TXNDC16: variants seen among roughly 807,000 people sequenced by gnomAD.
The protein encoded by TXNDC16 is thioredoxin domain-containing protein 16.
TXNDC16 carries 74 observed loss-of-function variants against 85.6 expected under a neutral mutation model. The ratio of observed to expected loss-of-function variants is 0.86; its 90% CI spans 0.72 to 1.05. The LOEUF (loss-of-function observed/expected upper bound fraction) is 1.05, where lower values mean the gene tolerates loss of function less well. TXNDC16 is among the 50% of genes least tolerant of loss of function. The pLI, the probability that TXNDC16 is intolerant of heterozygous loss-of-function variation, is 0.00. For synonymous variants in TXNDC16, 335 were observed against 326.5 expected (o/e 1.03, Z -0.28); for missense variants, 959 against 947.0 (o/e 1.01, Z -0.17).
At chr14:52,546,498 T>G (rs1459704819) in intron 1 of TXNDC16, among the ~76,000 whole-genome samples, 1 of 152,154 alleles carries the variant, frequency 6.6e-6, no homozygotes, top group Non-Finnish European at 1.5e-5. Context: ...TGACTTACTG[T>G]GGCCAATAAA....
intron 20 of TXNDC16, 32 bp downstream of exon 20, chr14:52,439,172 A>G (rs775467421): frequency 6.3e-7 from 1 of 1,590,256 alleles, no homozygotes; most frequent in South Asian, 1.1e-5. Context: ...AAAATGCAGA[A>G]CTACATGTAT....
chr14:52,438,837 C>G (rs2035096110), intron 20 of TXNDC16, among the ~76,000 whole-genome samples: 1 of 152,142 alleles, frequency 6.6e-6, no homozygotes, highest in Non-Finnish European at 1.5e-5. Flanking sequence ...CAAGAAATAT[C>G]TTCTGAAATC....
intron 6 of TXNDC16, among the ~76,000 whole-genome samples, chr14:52,530,690 T>C (rs2140214222): frequency 7.4e-6 from 1 of 135,688 alleles, no homozygotes; most frequent in East Asian, 2.1e-4. Flanking sequence ...TCTTGCATAA[T>C]AGATAAGATG....
intron 9 of TXNDC16, among the ~76,000 whole-genome samples, chr14:52,504,595 G>T (rs968495884): frequency 3.3e-5 from 5 of 152,116 alleles, no homozygotes; most frequent in East Asian, 1.9e-4. Flanking sequence ...AGGAACAACC[G>T]GTACCAGCCA....
intron 12 of TXNDC16, among the ~76,000 whole-genome samples, chr14:52,485,407 G>A (rs546031873): frequency 6.6e-6 from 1 of 152,188 alleles, no homozygotes; most frequent in South Asian, 2.1e-4. Flanking sequence ...AAGTGAAAAA[G>A]TTACAGTAAG....
intron 6 of TXNDC16, among the ~76,000 whole-genome samples, chr14:52,534,908 T>C (rs2140219939): frequency 6.6e-6 from 1 of 152,158 alleles, no homozygotes; most frequent in East Asian, 1.9e-4. Flanking sequence ...AGTACAGCAC[T>C]AAGAACAGGA....
intron 17 of TXNDC16, among the ~76,000 whole-genome samples, chr14:52,456,440 CAT>C (rs1445705269): frequency 6.6e-6 from 1 of 152,066 alleles, no homozygotes; most frequent in Non-Finnish European, 1.5e-5. Flanking sequence ...TCACCAAGAG[CAT>C]ATGTCACCAG....
At chr14:52,488,907 A>G (rs1179107148) in intron 11 of TXNDC16, among the ~76,000 whole-genome samples, 1 of 152,008 alleles carries the variant, frequency 6.6e-6, no homozygotes, top group Non-Finnish European at 1.5e-5. Flanking sequence ...CAATTCTAAA[A>G]TTTAGCAAAA....
At chr14:52,464,682 A>G (rs913062576) in intron 16 of TXNDC16, among the ~76,000 whole-genome samples, 5 of 152,108 alleles carry the variant, frequency 3.3e-5, no homozygotes, top group African/African-American at 1.2e-4. Flanking sequence ...CTATAATCTC[A>G]GCACTTTGGG....
intron 16 of TXNDC16, among the ~76,000 whole-genome samples, chr14:52,460,926 A>G (rs1214309565): frequency 6.6e-6 from 1 of 151,924 alleles, no homozygotes; most frequent in African/African-American, 2.4e-5. Flanking sequence ...GCTGATTTTA[A>G]TAAAAACTTA....
chr14:52,448,566 A>C (rs72684228), intron 18 of TXNDC16, among the ~76,000 whole-genome samples: 72 of 152,288 alleles, frequency 4.7e-4, no homozygotes, highest in Middle Eastern at 3.4e-3. Context: ...GAAGAAAAGG[A>C]CACTAATGAG....
chr14:52,540,077 C>T (rs1018681938), intron 4 of TXNDC16, among the ~76,000 whole-genome samples: 30 of 152,066 alleles, frequency 2.0e-4, no homozygotes, highest in African/African-American at 6.8e-4. Context: ...AGGTGGTAAC[C>T]AGGTAGAAAA....
intron 16 of TXNDC16, among the ~76,000 whole-genome samples, chr14:52,459,914 A>G (rs1264675125): frequency 1.3e-5 from 2 of 152,200 alleles, no homozygotes; most frequent in Admixed American, 6.5e-5. Flanking sequence ...ACACACCTCA[A>G]TAAGAGCCAT....
At chr14:52,484,465 T>C (rs1297680186) in intron 12 of TXNDC16, among the ~76,000 whole-genome samples, 1 of 152,188 alleles carries the variant, frequency 6.6e-6, no homozygotes, top group Non-Finnish European at 1.5e-5. Flanking sequence ...TCCCTTAAGA[T>C]TATAATAGAG....
chr14:52,509,428 A>T (rs958454159), intron 9 of TXNDC16, among the ~76,000 whole-genome samples: 2 of 152,050 alleles, frequency 1.3e-5, no homozygotes, highest in Non-Finnish European at 2.9e-5. Flanking sequence ...AGAATGGAAG[A>T]TTAAAACATA....
intron 9 of TXNDC16, among the ~76,000 whole-genome samples, chr14:52,493,963 T>G (rs2036473880): frequency 6.6e-6 from 1 of 151,772 alleles, no homozygotes; most frequent in South Asian, 2.1e-4. Context: ...ATATATTTTG[T>G]AGAGATGGGG....
intron 6 of TXNDC16, among the ~76,000 whole-genome samples, chr14:52,526,431 C>A (rs765848401): frequency 1.3e-5 from 2 of 152,138 alleles, no homozygotes; most frequent in Non-Finnish European, 2.9e-5. Flanking sequence ...ATACTACATG[C>A]ATTTACATGT....
rs1201525895 is a variant in TXNDC16 at position 52,506,449 on chromosome 14, T to C, written c.756+4791A>G. 2.0e-5 allele frequency among the ~76,000 whole-genome samples: 3 copies of C among 147,588 alleles called. No individual in the cohort carries two copies. In the South Asian group the frequency reaches 6.6e-4, roughly 33 times the overall value. ...ATAAATCAATAAACGTAATCCAGCA[T>C]ATAAACAGAACCAACGACCAAAACC... On this transcript the variant is annotated intron_variant, in intron 9 of 20. Transcript: ENST00000281741.
chr14:52,495,402 T>A (rs1284453987), intron 9 of TXNDC16, among the ~76,000 whole-genome samples: 1 of 152,158 alleles, frequency 6.6e-6, no homozygotes, highest in African/African-American at 2.4e-5. Context: ...CAGAGGCACA[T>A]GACATTTTGT....
Sources: gnomAD v4.1 joint callset for allele counts (sites outside exome capture counted in the v4.1 genomes callset) on GRCh38, gnomAD v4.1.1 for gene constraint, MANE v1.5 for transcripts, NCBI Gene and HGNC (gene_info 2026-07-23, HGNC 2026-07-21) for gene names.